SYNRG: variants seen among roughly 807,000 people sequenced by gnomAD.
SYNRG encodes the protein AP1 gamma subunit binding protein 1.
Under a neutral mutation model 130.9 loss-of-function variants are expected in SYNRG, and 37 were observed. That is an observed-to-expected ratio of 0.28 (90% CI 0.22 to 0.37). The LOEUF is 0.37. SYNRG is among the 10% of genes least tolerant of loss of function. The pLI, the probability that SYNRG is intolerant of heterozygous loss-of-function variation, is 1.00. For missense variants in SYNRG, 1,338 were observed against 1,588.9 expected, an observed-to-expected ratio of 0.84 and a Z score of 2.68; for synonymous variants, 539 against 568.1, an observed-to-expected ratio of 0.95 and a Z score of 0.73.
intron 8 of SYNRG, among the ~76,000 whole-genome samples, chr17:37,575,040 G>A (rs2060708611): frequency 6.6e-6 from 1 of 152,012 alleles, no homozygotes; most frequent in Admixed American, 6.6e-5. Flanking sequence ...AGTGAAATAA[G>A]CCAGGCATAG....
intron 13 of SYNRG, among the ~76,000 whole-genome samples, chr17:37,560,176 G>A (rs1435232659): frequency 1.3e-5 from 2 of 152,062 alleles, no homozygotes; most frequent in Non-Finnish European, 2.9e-5. Context: ...CTCCCAAAGT[G>A]CTGGAATTAC....
At chr17:37,540,265 C>T (rs1055553917) in intron 16 of SYNRG, 115 bp downstream of exon 16, 32 of 1,242,598 alleles carry the variant, frequency 2.6e-5, no homozygotes, top group Non-Finnish European at 3.5e-5. Flanking sequence ...ATGTCTGGTG[C>T]TTTGTGTCTT....
At chr17:37,581,783 GA>G (rs2061362800) in intron 6 of SYNRG, among the ~76,000 whole-genome samples, 1 of 64,304 alleles carries the variant, frequency 1.6e-5, no homozygotes, top group Non-Finnish European at 3.1e-5. Context: ...TTTTTTTTTT[GA>G]GACAGAGTCT....
At position 37,596,304 on chromosome 17, in the gene SYNRG, G is replaced by T. The variant is rs1319794652; in HGVS notation, c.159C>A (p.Val53=). 36 of 1,614,166 alleles carry T rather than the reference G, an allele frequency of 2.2e-5. No homozygotes were observed. The highest frequency in any genetic ancestry group is 3.1e-5 in the Non-Finnish European group (36 of 1,179,994). The change falls in exon 3 of 22, where the codon GTC becomes GTA. Residue 53 remains valine, a synonymous_variant. Transcript: ENST00000612223. Reference sequence around the variant, plus strand: ...CTTGCATATTAGGCTGCATGACAGAGACCATAGGAAATCCTTGTTGCTGCA... The same window carrying T: ...CTTGCATATTAGGCTGCATGACAGATACCATAGGAAATCCTTGTTGCTGCA... ...MPMQQQGFPM[V]SVMQPNMQGI...
At chr17:37,528,180 T>A (rs1219237885) in intron 19 of SYNRG, among the ~76,000 whole-genome samples, 1 of 152,230 alleles carries the variant, frequency 6.6e-6, no homozygotes, top group Non-Finnish European at 1.5e-5. Flanking sequence ...CTGAAAATTA[T>A]ACATCTAGAA....
In SYNRG at chr17:37,561,291, T is replaced by C. The variant is rs201811409; in HGVS notation, c.1601-34A>G. ...GAAAGGACAGAAGCTCAGTTAAGGT[T>C]AGGAATCTTGAAATCACAGCTCCAG... On this transcript the variant is annotated intron_variant, in intron 12 of 21. Transcript: ENST00000612223. 7.3e-4 allele frequency: 1,179 copies of C among 1,605,458 alleles called. 3 individuals carry two copies. Among genetic ancestry groups the C allele is most frequent in the Non-Finnish European group, 8.9e-4 (1,051 of 1,175,176 alleles).
intron 1 of SYNRG, among the ~76,000 whole-genome samples, chr17:37,607,498 A>T (rs1598717614): frequency 6.6e-6 from 1 of 152,226 alleles, no homozygotes; most frequent in East Asian, 1.9e-4. Flanking sequence ...ATAGGAAATA[A>T]ATAGAGGATG....
rs1376965877 is a variant in SYNRG, at chr17:37,568,660, A to C, written c.1481+131T>G. ...TTGAAAAGTAAAAGTATTAATACAG[A>C]GGGAATAAACACAGAAAGTAGTAGA... is the stretch of plus-strand genomic sequence containing the variant. On this transcript the variant is annotated intron_variant, in intron 11 of 21. Transcript: ENST00000612223. 5 of 969,728 alleles carry C rather than the reference A, an allele frequency of 5.2e-6. No homozygotes were observed. The East Asian group carries it at 1.3e-4, about 25-fold the overall frequency. 60.1% of individuals were successfully genotyped at this position (969,728 alleles called of 1,614,324 possible).
At chr17:37,596,394 T>C (rs190439892) in intron 2 of SYNRG, 50 bp from the exon 3 acceptor site, 1 of 1,601,812 alleles carries the variant, frequency 6.2e-7, no homozygotes, top group Admixed American at 1.7e-5. Context: ...AAGTTTATTT[T>C]CTTAAAACCA....
chr17:37,521,033 CTT>C (rs66478744), intron 19 of SYNRG, among the ~76,000 whole-genome samples: 151 of 126,284 alleles, frequency 1.2e-3, no homozygotes, highest in South Asian at 2.1e-3. Context: ...TTTTTCTTTT[CTT>C]TTTTTTTTTT....
chr17:37,520,597 T>C lies in SYNRG; in HGVS notation c.3718A>G (p.Lys1240Glu), dbSNP rs754095101. 19 of 1,614,068 alleles carry C rather than the reference T, an allele frequency of 1.2e-5. No individual in the cohort carries two copies. In the Admixed American group the frequency reaches 3.2e-4, roughly 27 times the overall value. Residue 1240 changes from lysine to glutamate, a missense_variant, in exon 20 of 22, where the codon AAA (lysine) becomes GAA (glutamate). Transcript: ENST00000612223. ...FSSCMLRPGI[K>E]NAQELACGVC... ...CCACAGGCAAGCTCCTGAGCATTTTTAATCCCAGGCCGTAACATACAGGAG... is the reference window on the plus strand; with the variant it reads ...CCACAGGCAAGCTCCTGAGCATTTTCAATCCCAGGCCGTAACATACAGGAG...
intron 1 of SYNRG, among the ~76,000 whole-genome samples, chr17:37,608,426 T>C (rs1182632557): frequency 2.4e-4 from 37 of 152,236 alleles, no homozygotes; most frequent in Admixed American, 2.2e-3. Flanking sequence ...TAGGTCATTA[T>C]AGAAGTGGAG....
chr17:37,591,269 G>A (rs1041336583), intron 3 of SYNRG, among the ~76,000 whole-genome samples: 2 of 152,152 alleles, frequency 1.3e-5, no homozygotes, highest in Non-Finnish European at 2.9e-5. Flanking sequence ...AACCAAACAT[G>A]GATGTGACTT....
At chr17:37,589,753 G>GA (rs200065631) in intron 3 of SYNRG, among the ~76,000 whole-genome samples, 360 of 132,752 alleles carry the variant, frequency 2.7e-3, no homozygotes, top group South Asian at 3.6e-3. Context: ...ACTCAAAAAG[G>GA]AAAAAAAAAA....
intron 8 of SYNRG, among the ~76,000 whole-genome samples, chr17:37,573,749 T>TA (rs200598777): frequency 0.011 from 1,654 of 152,098 alleles, 24 homozygotes; most frequent in African/African-American, 0.038. Context: ...GAAGGGGACA[T>TA]AAAAAAATAG....
rs753746565 is a variant in SYNRG at position 37,518,892 on chromosome 17, G to A, written c.*48C>T. 37 of 1,601,046 alleles carry A rather than the reference G, an allele frequency of 2.3e-5. No individual in the cohort carries two copies. Among genetic ancestry groups the A allele is most frequent in the Non-Finnish European group, 2.7e-5 (32 of 1,172,824 alleles). The stretch of plus-strand genomic sequence containing the variant: ...TCTATTTATTGGTCCCTGTCACCCC[G>A]TGGGGTGTCACAGAAAAAAAAAAGT... On this transcript the variant is annotated 3_prime_UTR_variant, in exon 22 of 22. Transcript: ENST00000612223.
intron 8 of SYNRG, among the ~76,000 whole-genome samples, 174 bp downstream of exon 8, chr17:37,576,167 G>C (rs1484197694): frequency 6.6e-6 from 1 of 152,044 alleles, no homozygotes; most frequent in Non-Finnish European, 1.5e-5. Context: ...CCATATATGA[G>C]GCAGTCTTAT....
chr17:37,590,188 A>G (rs1402273643), intron 3 of SYNRG, among the ~76,000 whole-genome samples: 1 of 150,178 alleles, frequency 6.7e-6, no homozygotes, highest in Non-Finnish European at 1.5e-5. Context: ...AAAAGAAAAG[A>G]AAAGAAAAGA....
Position 37,519,089 on chromosome 17 carries a change from A to C in SYNRG, c.3814-18T>G, listed in dbSNP as rs371544223. On this transcript the variant is annotated intron_variant, in intron 21 of 21. Transcript: ENST00000612223. ...TTGAATGCCTGCCAGAAATAAACAG[A>C]GATGTGGGGCAAGTCAGGCTTTTTC... 157 of 1,609,826 alleles carry C rather than the reference A, an allele frequency of 9.8e-5. 1 individual carries two copies. In the Middle Eastern group the frequency reaches 9.9e-4, roughly 10 times the overall value.
Sources: gnomAD v4.1 joint callset for allele counts (sites outside exome capture counted in the v4.1 genomes callset) on GRCh38, gnomAD v4.1.1 for gene constraint, MANE v1.5 for transcripts, NCBI Gene and HGNC (gene_info 2026-07-23, HGNC 2026-07-21) for gene names.